The following LANCL2 variants were observed in gnomAD, a reference collection of about 807,000 sequenced individuals.
The protein encoded by LANCL2 is LanC like glutathione S-transferase 2, also known as lanC-like protein 2.
A neutral mutation model predicts 56.9 loss-of-function variants in LANCL2; 33 were observed. The ratio of observed to expected loss-of-function variants is 0.58; its 90% confidence interval spans 0.44 to 0.78. The LOEUF is 0.78. LANCL2 is among the 30% of genes least tolerant of loss of function. LANCL2 has a pLI of 0.00. For missense variants in LANCL2, 562 were observed against 580.2 expected (o/e 0.97, Z 0.32); for synonymous variants, 233 against 228.2 (o/e 1.02, Z -0.19).
chr7:55,366,473 A>G (rs1789871895), intron 1 of LANCL2, among the ~76,000 whole-genome samples: 1 of 152,202 alleles, frequency 6.6e-6, no homozygotes, highest in Non-Finnish European at 1.5e-5. Flanking sequence ...AAATACGCGG[A>G]CAGTGCGCTT....
Position 55,366,135 on chromosome 7 carries a change from C to T in LANCL2, c.110C>T (p.Ala37Val), listed in dbSNP as rs771653238. The change falls in exon 1 of 9, where the codon GCG becomes GTG. Residue 37 changes from alanine (A) to valine (V), a missense_variant. Transcript: ENST00000254770. Reference protein sequence around the residue: ...PFPDYEAAAGALLASGAAEET... With the variant: ...PFPDYEAAAGVLLASGAAEET... ...CCGGACTACGAGGCCGCCGCCGGGG[C>T]GCTGCTCGCCTCCGGAGCGGCCGAA... 6 of 1,547,436 alleles carry T rather than the reference C, an allele frequency of 3.9e-6. No individual in the cohort carries two copies. Among genetic ancestry groups the T allele is most frequent in the Middle Eastern group, 1.7e-4 (1 of 5,894 alleles).
At chr7:55,428,242 C>T in intron 7 of LANCL2, 133 bp from the exon 8 acceptor site, 2 of 747,006 alleles carry the variant, frequency 2.7e-6, no homozygotes, top group Non-Finnish European at 4.7e-6. Flanking sequence ...TGCAGTAGCC[C>T]ATGGAGCCCA....
chr7:55,404,066 C>G (rs1177615680), intron 5 of LANCL2, among the ~76,000 whole-genome samples: 1 of 152,180 alleles, frequency 6.6e-6, no homozygotes, highest in East Asian at 1.9e-4. Flanking sequence ...GATCTTGTCT[C>G]TCAAACATCC....
intron 5 of LANCL2, among the ~76,000 whole-genome samples, chr7:55,408,441 C>T (rs1424761088): frequency 3.3e-5 from 5 of 151,844 alleles, no homozygotes; most frequent in Admixed American, 6.6e-5. Flanking sequence ...CCGAGGTGGG[C>T]GGATCACTGA....
intron 1 of LANCL2, among the ~76,000 whole-genome samples, chr7:55,381,254 A>C (rs17172477): frequency 0.36 from 54,872 of 151,984 alleles, 10,430 homozygotes; most frequent in East Asian, 0.55. Flanking sequence ...TCCTGGAGCT[A>C]AGTTTCATTT....
In LANCL2 at chr7:55,432,678, AAAAG is replaced by A. The variant is rs1790743705; in HGVS notation, c.*1361_*1364del. ...TGTCCACACCTCTCAGAAAAGAGAA[AAAAG>A]AATGTCAGTTTAGGAGAAAAGCTTC... On this transcript the variant is annotated 3_prime_UTR_variant, in exon 9 of 9. Transcript: ENST00000254770. The A allele has an allele frequency of 6.6e-6, 1 of 152,210 alleles. No homozygotes were observed. The highest frequency in any genetic ancestry group is 1.5e-5 in the Non-Finnish European group (1 of 68,046). 9.4% of individuals were successfully genotyped at this position (152,210 alleles called of 1,614,324 possible).
intron 6 of LANCL2, among the ~76,000 whole-genome samples, chr7:55,414,208 G>A (rs568369042): frequency 1.3e-5 from 2 of 152,300 alleles, no homozygotes; most frequent in African/African-American, 2.4e-5. Flanking sequence ...CAGACCCTGC[G>A]CCGTGGAGTC....
intron 1 of LANCL2, among the ~76,000 whole-genome samples, chr7:55,371,678 A>G (rs1789945139): frequency 6.6e-6 from 1 of 152,088 alleles, no homozygotes; most frequent in Non-Finnish European, 1.5e-5. Flanking sequence ...AATCCAAAGG[A>G]CTTTACAACT....
chr7:55,403,190 C>T (rs1202112692), intron 5 of LANCL2, among the ~76,000 whole-genome samples: 4 of 152,390 alleles, frequency 2.6e-5, no homozygotes, highest in East Asian at 1.9e-4. Flanking sequence ...TCTGCCATCC[C>T]GGCACCTCGG....
intron 1 of LANCL2, among the ~76,000 whole-genome samples, chr7:55,366,430 C>T (rs1256796440): frequency 1.3e-5 from 2 of 152,258 alleles, no homozygotes; most frequent in Non-Finnish European, 2.9e-5. Flanking sequence ...CACGTTCCAG[C>T]AGTTCGGCCC....
intron 1 of LANCL2, among the ~76,000 whole-genome samples, chr7:55,377,311 T>A (rs1176967966): frequency 6.6e-6 from 1 of 152,200 alleles, no homozygotes; most frequent in Non-Finnish European, 1.5e-5. Context: ...ATTCCTGTGA[T>A]GTACATGGAA....
chr7:55,425,406 G>A lies in LANCL2; in HGVS notation c.1161G>A (p.Lys387=), dbSNP rs760157779. The A allele has an allele frequency of 1.9e-6, 3 of 1,613,966 alleles. No homozygotes were observed. Among genetic ancestry groups the A allele is most frequent in the Non-Finnish European group, 2.5e-6 (3 of 1,179,966 alleles). The stretch of plus-strand genomic sequence containing the variant: ...CCCTTTACCGTCTCACGCAGGATAA[G>A]AAGTACCTCTACCGAGCTTGCAAGG... ...FLSLYRLTQD[K]KYLYRACKFA... Residue 387 remains lysine, a synonymous_variant, in exon 7 of 9, where the codon AAG becomes AAA. Transcript: ENST00000254770.
chr7:55,366,959 T>A (rs776284065), intron 1 of LANCL2, among the ~76,000 whole-genome samples: 4 of 152,188 alleles, frequency 2.6e-5, no homozygotes, highest in Non-Finnish European at 5.9e-5. Flanking sequence ...ATCTCCGCCT[T>A]GCTCGGCTCT....
At chr7:55,371,576 G>A (rs1789943908) in intron 1 of LANCL2, among the ~76,000 whole-genome samples, 1 of 152,096 alleles carries the variant, frequency 6.6e-6, no homozygotes, top group South Asian at 2.1e-4. Flanking sequence ...TGTGCCATGA[G>A]CTTTTGGTGT....
intron 1 of LANCL2, among the ~76,000 whole-genome samples, chr7:55,382,369 T>C (rs911818281): frequency 6.6e-6 from 1 of 152,216 alleles, no homozygotes; most frequent in Non-Finnish European, 1.5e-5. Context: ...AGTTACTGCA[T>C]GGCCTTAGCA....
In LANCL2 at chr7:55,366,650, A is replaced by G. The variant is rs148594794; in HGVS notation, c.204+421A>G. Among the ~76,000 whole-genome samples the G allele has an allele frequency of 2.3e-3, 349 of 152,226 alleles. 2 individuals carry two copies. Among genetic ancestry groups the G allele is most frequent in the African/African-American group, 8.0e-3 (331 of 41,552 alleles). ...ATATCTGGTCCCTGGGCTCTCGCCGACAAAGAAGCATTGTCCGTACTGTCT... is the reference window on the plus strand; with the variant it reads ...ATATCTGGTCCCTGGGCTCTCGCCGGCAAAGAAGCATTGTCCGTACTGTCT... On this transcript the variant is annotated intron_variant, in intron 1 of 8. Transcript: ENST00000254770.
chr7:55,365,494 G>C lies in LANCL2; in HGVS notation c.-532G>C, dbSNP rs927106199. 1.2e-4 allele frequency: 19 copies of C among 152,356 alleles called. No homozygotes were observed. The highest frequency in any genetic ancestry group is 4.6e-4 in the African/African-American group (19 of 41,458). 9.4% of individuals were successfully genotyped at this position (152,356 alleles called of 1,614,324 possible). Reference sequence around the variant, plus strand: ...GTGAAATGCAGGCTGACGACGGCGCGCCAGGGGCTGAGCTCGCCCCGGTCG... The same window carrying C: ...GTGAAATGCAGGCTGACGACGGCGCCCCAGGGGCTGAGCTCGCCCCGGTCG... On this transcript the variant is annotated 5_prime_UTR_variant, in exon 1 of 9. Coordinates refer to ENST00000254770, the MANE Select transcript of LANCL2 (RefSeq NM_018697.4).
At chr7:55,394,564 AAAG>A (rs1010569065) in intron 2 of LANCL2, among the ~76,000 whole-genome samples, 3 of 152,200 alleles carry the variant, frequency 2.0e-5, no homozygotes, top group South Asian at 2.1e-4. Context: ...TGTCTCAACA[AAAG>A]AAGAAGAAGA....
rs1348687872 is a variant in LANCL2 at position 55,366,011 on chromosome 7, C to T, written c.-15C>T. ...AGGAGGTTTGTCCCCGCCCGCGCGC[C>T]GTACCGCGGCGGAGATGGGCGAGAC... On this transcript the variant is annotated 5_prime_UTR_variant, in exon 1 of 9. Transcript: ENST00000254770. The T allele has an allele frequency of 7.0e-7, 1 of 1,428,142 alleles. No homozygotes were observed. The highest frequency in any genetic ancestry group is 9.2e-7 in the Non-Finnish European group (1 of 1,084,840). The allele number at this position is 1,428,142 out of a possible 1,614,324, so 88.5% of individuals were successfully genotyped here.
Sources: allele counts gnomAD v4.1 joint callset (sites outside exome capture counted in the v4.1 genomes callset), GRCh38; gene constraint gnomAD v4.1.1; transcripts MANE v1.5; gene names NCBI Gene and HGNC (gene_info 2026-07-23, HGNC 2026-07-21).